Variants in KDSR observed in about 807,000 individuals in gnomAD.
The protein encoded by KDSR is 3-ketodihydrosphingosine reductase.
KDSR carries 23 observed loss-of-function variants against 41.3 expected under a neutral mutation model. That is an observed-to-expected ratio of 0.56 (90% confidence interval 0.40 to 0.79). The LOEUF (loss-of-function observed/expected upper bound fraction) is 0.79. Among genes scored for constraint, KDSR ranks in the 30% least tolerant of loss-of-function variants. The pLI is 0.00. For synonymous variants in KDSR, 138 were observed against 151.7 expected (o/e 0.91, Z 0.66); for missense variants, 351 against 416.8 (o/e 0.84, Z 1.37).
rs527963821 is a variant in KDSR at position 63,332,602 on chromosome 18, C to A, written c.880-701G>T. Among the ~76,000 whole-genome samples, 571 of 152,186 alleles carry A rather than the reference C, an allele frequency of 3.8e-3. 3 individuals carry two copies. The highest frequency in any genetic ancestry group is 0.012 in the African/African-American group (502 of 41,526). On this transcript the variant is annotated intron_variant, in intron 9 of 9. Transcript: ENST00000645214. Reference sequence around the variant, plus strand: ...ATCCCAGCACTTTGGGAGGCCGAGGCGGGTGGATCACGAGGTCAGGAGATT... The same window carrying A: ...ATCCCAGCACTTTGGGAGGCCGAGGAGGGTGGATCACGAGGTCAGGAGATT...
intron 2 of KDSR, among the ~76,000 whole-genome samples, chr18:63,361,463 A>G (rs1479506478): frequency 1.1e-4 from 17 of 152,078 alleles, no homozygotes; most frequent in Non-Finnish European, 2.1e-4. Context: ...TCATTGTTAG[A>G]AAAGTCAAGC....
At chr18:63,342,720 C>T (rs1453060303) in intron 7 of KDSR, among the ~76,000 whole-genome samples, 2 of 86,680 alleles carry the variant, frequency 2.3e-5, no homozygotes, top group Non-Finnish European at 6.2e-5. Context: ...TGTTTTGAAA[C>T]AAGTCTTACT....
Position 63,351,085 on chromosome 18 carries a change from G to A in KDSR, c.418-6C>T. On this transcript the variant is annotated splice_polypyrimidine_tract_variant and splice_region_variant and intron_variant, in intron 5 of 9. Transcript: ENST00000645214. ...TAATTGATGCTCATTAACCTCTGCA[G>A]GGAACAAAGAGGCCACATGAGGTCA... is the stretch of plus-strand genomic sequence containing the variant. 1 of 1,608,448 alleles carries A rather than the reference G, an allele frequency of 6.2e-7. No individual in the cohort carries two copies. The highest frequency in any genetic ancestry group is 1.1e-5 in the South Asian group (1 of 90,100).
intron 7 of KDSR, among the ~76,000 whole-genome samples, chr18:63,341,360 A>G (rs1022036265): frequency 1.3e-5 from 2 of 152,180 alleles, no homozygotes; most frequent in African/African-American, 4.8e-5. Context: ...TATTCAGAGA[A>G]AAGAGATCTA....
chr18:63,357,805 A>T (rs1171463299), intron 3 of KDSR, among the ~76,000 whole-genome samples: 1 of 151,730 alleles, frequency 6.6e-6, no homozygotes, highest in Non-Finnish European at 1.5e-5. Context: ...TCAAACACCT[A>T]CCTTCAACTG....
At chr18:63,342,920 T>A (rs967498820) in intron 7 of KDSR, among the ~76,000 whole-genome samples, 2 of 152,186 alleles carry the variant, frequency 1.3e-5, no homozygotes, top group Admixed American at 6.5e-5. Context: ...TCCCTCTTGC[T>A]ATTCTCGTGA....
chr18:63,339,372 G>A (rs958062852), intron 7 of KDSR, among the ~76,000 whole-genome samples: 1 of 152,208 alleles, frequency 6.6e-6, no homozygotes, highest in Non-Finnish European at 1.5e-5. Flanking sequence ...AGGGACAGTC[G>A]CAACCCAGCC....
intron 1 of KDSR, among the ~76,000 whole-genome samples, chr18:63,365,407 C>T (rs943306383): frequency 6.6e-6 from 1 of 152,232 alleles, no homozygotes; most frequent in Non-Finnish European, 1.5e-5. Context: ...ACACTTTTCA[C>T]TCTTCTTATG....
chr18:63,366,868 G>T (rs1568075163), intron 1 of KDSR, 143 bp downstream of exon 1: 1 of 416,554 alleles, frequency 2.4e-6, no homozygotes, highest in Non-Finnish European at 4.1e-6. Context: ...CGCCGGGGTG[G>T]ACGGCGGCAG....
At chr18:63,353,397 C>A (rs907499885) in intron 5 of KDSR, among the ~76,000 whole-genome samples, 20 of 152,090 alleles carry the variant, frequency 1.3e-4, no homozygotes, top group African/African-American at 4.8e-4. Context: ...ACTAACTTAG[C>A]AGACCACAAA....
chr18:63,338,519 G>T (rs1314184250), intron 8 of KDSR, among the ~76,000 whole-genome samples: 1 of 152,182 alleles, frequency 6.6e-6, no homozygotes, highest in Non-Finnish European at 1.5e-5. Context: ...TCATAGGAAA[G>T]TCTCATTTTC....
intron 6 of KDSR, among the ~76,000 whole-genome samples, chr18:63,350,513 T>G (rs924812635): frequency 6.6e-6 from 1 of 152,206 alleles, no homozygotes; most frequent in African/African-American, 2.4e-5. Context: ...TATACTAATT[T>G]CACGTATTAT....
chr18:63,354,455 G>T lies in KDSR; in HGVS notation c.417+749C>A, dbSNP rs376452747. On this transcript the variant is annotated intron_variant, in intron 5 of 9. Transcript: ENST00000645214. ...GGTAGAGGTGGGCCAGTCACCTGAG[G>T]TCAGGAGTTTGAGACCAGCCGGGCC... Among the ~76,000 whole-genome samples the T allele has an allele frequency of 1.1e-3, 165 of 152,292 alleles. 1 individual carries two copies. In the South Asian group the frequency reaches 0.033, roughly 30 times the overall value.
At chr18:63,353,522 G>A (rs1914715806) in intron 5 of KDSR, among the ~76,000 whole-genome samples, 1 of 152,088 alleles carries the variant, frequency 6.6e-6, no homozygotes, top group African/African-American at 2.4e-5. Flanking sequence ...GGCTGGCATG[G>A]GGCTGAGACA....
At chr18:63,341,776 G>A (rs946465063) in intron 7 of KDSR, among the ~76,000 whole-genome samples, 1 of 152,102 alleles carries the variant, frequency 6.6e-6, no homozygotes, top group Admixed American at 6.5e-5. Context: ...AAATAGCACT[G>A]GATTCCACAG....
rs769954029 is a variant in KDSR at position 63,359,706 on chromosome 18, A to AG, written c.255+29dup. On this transcript the variant is annotated intron_variant, in intron 3 of 9. Coordinates refer to ENST00000645214, the MANE Select transcript of KDSR (RefSeq NM_002035.4). ...TTTATACAGCTGTGCTGAGTTATAC[A>AG]GAAAATGCATTCTGAAGACAGAGAT... 46 of 1,459,738 alleles carry AG rather than the reference A, an allele frequency of 3.2e-5. No homozygotes were observed. In the African/African-American group the frequency reaches 6.4e-4, roughly 20 times the overall value. The allele number at this position is 1,459,738 out of a possible 1,614,324, so 90.4% of individuals were successfully genotyped here. A position where few individuals can be genotyped will look rare whatever the true frequency, so the allele number is the denominator to read the frequency against.
At position 63,337,076 on chromosome 18, in the gene KDSR, ATATATATATATGTGACTT is replaced by A. The variant is rs1331349497; in HGVS notation, c.777+1706_778-1719del. On this transcript the variant is annotated intron_variant, in intron 8 of 9. Transcript: ENST00000645214. ...TCACTTTATATATATGTGACTTTAT[ATATATATATATGTGACTT>A]TATATATATATATATGTGAATATAT... 2.8e-3 allele frequency among the ~76,000 whole-genome samples: 128 copies of A among 45,068 alleles called. 4 individuals are homozygous for A. The highest frequency in any genetic ancestry group is 0.028 in the Middle Eastern group (2 of 72). The allele number at this position is 45,068 out of a possible 152,430, so 29.6% of individuals were successfully genotyped here.
At position 63,359,764 on chromosome 18, in the gene KDSR, A is replaced by G; in HGVS notation, c.227T>C (p.Ile76Thr). ...TTTGTCATTAATAGAGTGCATTTCA[A>G]TTTCTTTCTTTGCCTGCAGCAGCTT... ...EDKLLQAKKE[I>T]EMHSINDKQV... The change falls in exon 3 of 10, where the codon ATT becomes ACT. Residue 76 changes from isoleucine to threonine, a missense_variant. Coordinates refer to ENST00000645214, the MANE Select transcript of KDSR (RefSeq NM_002035.4). 1.2e-6 allele frequency: 2 copies of G among 1,610,056 alleles called. No homozygotes were observed. The highest frequency in any genetic ancestry group is 1.7e-6 in the Non-Finnish European group (2 of 1,177,096).
chr18:63,362,832 C>A lies in KDSR; in HGVS notation c.145G>T (p.Ala49Ser), dbSNP rs553545788. 5.6e-6 allele frequency: 9 copies of A among 1,613,876 alleles called. No homozygotes were observed. The highest frequency in any genetic ancestry group is 5.9e-6 in the Non-Finnish European group (7 of 1,179,798). ...GCTCCTTGTTTATAGCACTCGATAG[C>A]AATGCACTTCCCGATGCCACTGGAA... ...GGSSGIGKCIAIECYKQGAFI... is the reference protein window; with the variant it reads ...GGSSGIGKCISIECYKQGAFI... The change falls in exon 2 of 10, where the codon GCT becomes TCT. Residue 49 changes from alanine (A) to serine (S), a missense_variant. Ala to Ser is a moderately conservative substitution (Grantham distance 99, BLOSUM62 1). Transcript: ENST00000645214.
Sources: allele counts gnomAD v4.1 joint callset (sites outside exome capture counted in the v4.1 genomes callset), GRCh38; gene constraint gnomAD v4.1.1; transcripts MANE v1.5; gene names NCBI Gene and HGNC (gene_info 2026-07-23, HGNC 2026-07-21).